The following KIF7 variants were observed in gnomAD, a reference collection of about 807,000 sequenced individuals.
KIF7 encodes the protein kinesin-like protein KIF7.
A neutral mutation model predicts 135.7 loss-of-function variants in KIF7; 104 were observed. That is an observed-to-expected ratio of 0.77 (90% CI 0.65 to 0.90). KIF7 has a LOEUF of 0.90. Among genes scored for constraint, KIF7 ranks in the 40% least tolerant of loss-of-function variants. The probability of loss-of-function intolerance (pLI) is 0.00; values close to 1 mark genes in which losing one functional copy is unlikely to be tolerated. For synonymous variants in KIF7, 883 were observed against 809.4 expected (o/e 1.09, Z -1.54); for missense variants, 2,005 against 1,839.1 (o/e 1.09, Z -1.65).
rs1225205818 is a variant in KIF7, at chr15:89,645,023, C to G, written c.2181G>C (p.Leu727=). ...ATGCCCACGCCTCACCTGTGCGGAC[C>G]AGCTCGCCAATAAGCTCCTCCTTCA... is the stretch of plus-strand genomic sequence containing the variant. ...IRMKEELIGE[L]VRTGKAAQAL... Residue 727 remains leucine, a synonymous_variant, in exon 10 of 19, where the codon CTG becomes CTC. Coordinates refer to ENST00000394412, the MANE Select transcript of KIF7 (RefSeq NM_198525.3). 3 of 1,608,224 alleles carry G rather than the reference C, an allele frequency of 1.9e-6. No homozygotes were observed. Among genetic ancestry groups the G allele is most frequent in the Non-Finnish European group, 2.5e-6 (3 of 1,179,990 alleles).
chr15:89,651,066 G>A (rs1964115436), intron 2 of KIF7, among the ~76,000 whole-genome samples: 1 of 152,042 alleles, frequency 6.6e-6, no homozygotes, highest in Non-Finnish European at 1.5e-5. Context: ...TGAGTAGCTG[G>A]GATTATAGAC....
rs1963591052 is a variant in KIF7, at chr15:89,628,668, GGTGCGGGGGGCCCCCTCA to G, written c.3765_3782del (p.Glu1256_Thr1261del). ...GGACCAAGTCCCGCGTCTCCTCCCG[GGTGCGGGGGGCCCCCTCA>G]GTGAGGGGGGACAGCCAGAGAAGCT... On this transcript the variant is annotated inframe_deletion, in exon 19 of 19. Coordinates refer to ENST00000394412, the MANE Select transcript of KIF7 (RefSeq NM_198525.3). The G allele has an allele frequency of 7.4e-6, 12 of 1,613,112 alleles. No individual in the cohort carries two copies. The East Asian group carries it at 2.2e-4, about 30-fold the overall frequency.
At position 89,645,118 on chromosome 15, in the gene KIF7, CA is replaced by C. The variant is rs752656611; in HGVS notation, c.2085del (p.Ala696ProfsTer24). 3 of 1,605,636 alleles carry C rather than the reference CA, an allele frequency of 1.9e-6. No homozygotes were observed. The highest frequency in any genetic ancestry group is 1.7e-6 in the Non-Finnish European group (2 of 1,179,974). Reference protein sequence around the residue: ...KARVQARQVPPATASEWRLAQ... With the variant: ...KARVQARQVPXATASEWRLAQ... ...GCCAGCCGCCACTCTGAGGCTGTGG[CA>C]GGGGGGACCTGGCGGGCCTGAACTC... On this transcript the variant is annotated frameshift_variant, in exon 10 of 19. Coordinates refer to ENST00000394412, the MANE Select transcript of KIF7 (RefSeq NM_198525.3). LOFTEE classifies it high-confidence loss of function.
rs898910099 is a variant in KIF7, at chr15:89,649,196, C to T, written c.701G>A (p.Arg234His). ...TLEQRGRAPS[R>H]LPRPAPGQLL... ...CTGGCCCGGGGCGGGGCGGGGTAGGCGGCTGGGGGCGCGCCCCCGCTGCTC... is the reference window on the plus strand; with the variant it reads ...CTGGCCCGGGGCGGGGCGGGGTAGGTGGCTGGGGGCGCGCCCCCGCTGCTC... Residue 234 changes from arginine (R) to histidine (H), a missense_variant, in exon 4 of 19, where the codon CGC (arginine) becomes CAC (histidine). By Grantham distance (29) the Arg-to-His change is conservative. Coordinates refer to ENST00000394412, the MANE Select transcript of KIF7 (RefSeq NM_198525.3). The T allele has an allele frequency of 4.5e-5, 70 of 1,545,924 alleles. No individual in the cohort carries two copies. Among genetic ancestry groups the T allele is most frequent in the Non-Finnish European group, 5.8e-5 (67 of 1,145,844 alleles).
chr15:89,649,819 C>T lies in KIF7; in HGVS notation c.451G>A (p.Glu151Lys). The change falls in exon 3 of 19, where the codon GAG (glutamate) becomes AAG (lysine). Residue 151 changes from glutamate to lysine, a missense_variant. Coordinates refer to ENST00000394412, the MANE Select transcript of KIF7 (RefSeq NM_198525.3). ...VHVSYLEVYK[E>K]EFRDLLEVGT... ...ACCTCGAGCAGGTCTCGGAACTCCT[C>T]CTTGTACACTTCCAGGTAGGACACA... is the stretch of plus-strand genomic sequence containing the variant. The T allele has an allele frequency of 6.4e-7, 1 of 1,551,810 alleles. No homozygotes were observed. The highest frequency in any genetic ancestry group is 2.0e-5 in the Admixed American group (1 of 51,016).
chr15:89,661,785 G>A, the KIF7 span, among the ~76,000 whole-genome samples: 1 of 151,592 alleles, frequency 6.6e-6, no homozygotes, highest in African/African-American at 2.4e-5. Flanking sequence ...GCAATGGCGT[G>A]ATCTTGGCTC....
chr15:89,619,595 G>A (rs2141979714), intron 1 of KIF7: 1 of 1,155,812 alleles, frequency 8.7e-7, no homozygotes, highest in Non-Finnish European at 1.2e-6. Flanking sequence ...ATAGCTTGCT[G>A]AATTTCCATC....
chr15:89,638,509 C>T lies in KIF7; in HGVS notation c.2394+3694G>A, dbSNP rs533696367. 1.6e-4 allele frequency among the ~76,000 whole-genome samples: 25 copies of T among 152,002 alleles called. No individual in the cohort carries two copies. The South Asian group carries it at 5.0e-3, about 30-fold the overall frequency. The stretch of plus-strand genomic sequence containing the variant: ...AGCATTCTTATACACCAACAACAAA[C>T]AGAGAGCCAAATCATGAGTGGACTC... On this transcript the variant is annotated intron_variant, in intron 11 of 18. Coordinates refer to ENST00000394412, the MANE Select transcript of KIF7 (RefSeq NM_198525.3).
At chr15:89,630,804 T>C in intron 15 of KIF7, 2 of 474,106 alleles carry the variant, frequency 4.2e-6, no homozygotes, top group Non-Finnish European at 7.8e-6. Flanking sequence ...GGCACCACGG[T>C]GTCTGCTGGG....
At chr15:89,630,219 C>G (rs1410826967) in intron 16 of KIF7, 68 bp downstream of exon 16, 2 of 1,442,184 alleles carry the variant, frequency 1.4e-6, no homozygotes, top group Non-Finnish European at 1.9e-6. Context: ...GCTGGAGCAG[C>G]TGCCATGAGA....
At chr15:89,643,281 A>C (rs1212457322) in intron 10 of KIF7, among the ~76,000 whole-genome samples, 1 of 152,230 alleles carries the variant, frequency 6.6e-6, no homozygotes, top group African/African-American at 2.4e-5. Context: ...CATTACCTAA[A>C]CAATACAGTA....
downstream of KIF7, chr15:89,627,326 A>G (rs561490125): frequency 8.5e-6 from 4 of 472,690 alleles, no homozygotes; most frequent in South Asian, 1.6e-4. Flanking sequence ...TAACTCAGGC[A>G]GCCTGGGAGT....
At chr15:89,633,083 G>T in intron 13 of KIF7, 58 bp downstream of exon 13, 1 of 1,600,384 alleles carries the variant, frequency 6.2e-7, no homozygotes, top group East Asian at 2.2e-5. Flanking sequence ...GGGGAGAAAG[G>T]TGCACCCACC....
At chr15:89,641,107 G>A (rs755198767) in intron 11 of KIF7, among the ~76,000 whole-genome samples, 15 of 152,188 alleles carry the variant, frequency 9.9e-5, no homozygotes, top group Non-Finnish European at 1.9e-4. Context: ...CTCAGAATAT[G>A]ACTGCGTTTG....
intron 10 of KIF7, among the ~76,000 whole-genome samples, chr15:89,644,475 C>T (rs1269714941): frequency 2.0e-5 from 3 of 151,110 alleles, no homozygotes; most frequent in Non-Finnish European, 4.4e-5. Flanking sequence ...AGGAGTTCAA[C>T]ACCAGCCTGG....
chr15:89,663,013 C>T, the KIF7 span, among the ~76,000 whole-genome samples: 1 of 152,222 alleles, frequency 6.6e-6, no homozygotes, highest in Non-Finnish European at 1.5e-5. Flanking sequence ...TGGGCCTGAC[C>T]AGCAGGCATG....
chr15:89,626,709 G>C (rs1963534621), downstream of KIF7, among the ~76,000 whole-genome samples: 1 of 152,160 alleles, frequency 6.6e-6, no homozygotes, highest in Non-Finnish European at 1.5e-5. Flanking sequence ...ATTAACCTGA[G>C]GGAATTCAAA....
intron 15 of KIF7, 49 bp downstream of exon 15, chr15:89,631,446 A>G (rs1193135553): frequency 1.2e-5 from 18 of 1,471,928 alleles, no homozygotes; most frequent in African/African-American, 4.2e-5. Flanking sequence ...GAGCAGACAG[A>G]CAGGCATACA....
In KIF7 at chr15:89,643,474, T is replaced by G. The variant is rs538223724; in HGVS notation, c.2192-1069A>C. On this transcript the variant is annotated intron_variant, in intron 10 of 18. Coordinates refer to ENST00000394412, the MANE Select transcript of KIF7 (RefSeq NM_198525.3). ...ACGGGGTCCTGGAACCAATCCCACA[T>G]AGATATCAAGTGACGACTGTATGAT... is the stretch of plus-strand genomic sequence containing the variant. 2.6e-5 allele frequency among the ~76,000 whole-genome samples: 4 copies of G among 152,174 alleles called. No homozygotes were observed. In the South Asian group the frequency reaches 8.3e-4, roughly 32 times the overall value.
Sources: gnomAD v4.1 joint callset for allele counts (sites outside exome capture counted in the v4.1 genomes callset) on GRCh38, gnomAD v4.1.1 for gene constraint, MANE v1.5 for transcripts, NCBI Gene and HGNC (gene_info 2026-07-23, HGNC 2026-07-21) for gene names.